Variants in ZNF678 observed in about 807,000 individuals in gnomAD.
ZNF678 encodes the protein zinc finger protein 678, also known as hypothetical protein MGC42493.
ZNF678 carries 5 observed loss-of-function variants against 3.0 expected under a neutral mutation model. The observed-to-expected ratio is 1.69, with a 90% confidence interval of 0.88 to 3.56. The LOEUF is 3.56. Among genes scored for constraint, ZNF678 ranks in the 30% most tolerant of loss-of-function variants. The pLI, the probability that ZNF678 is intolerant of heterozygous loss-of-function variation, is 0.00. For missense variants in ZNF678, 593 were observed against 605.0 expected (o/e 0.98, Z 0.21); for synonymous variants, 218 against 199.6 (o/e 1.09, Z -0.78).
chr1:227,651,145 T>C, intron 3 of ZNF678, 69 bp downstream of exon 3: 1 of 1,555,382 alleles, frequency 6.4e-7, no homozygotes, highest in Non-Finnish European at 8.8e-7. Flanking sequence ...AGAGAGGGGA[T>C]ATACCTGAGT....
downstream of ZNF678, among the ~76,000 whole-genome samples, chr1:227,663,015 G>A (rs1328673574): frequency 6.6e-6 from 1 of 152,122 alleles, no homozygotes; most frequent in East Asian, 1.9e-4. Context: ...ATTGGAGTGA[G>A]CCCTAATCCA....
intron 1 of ZNF678, among the ~76,000 whole-genome samples, chr1:227,644,659 C>T (rs978240785): frequency 4.6e-5 from 7 of 152,168 alleles, no homozygotes; most frequent in African/African-American, 1.7e-4. Context: ...CTCTTCCAAA[C>T]CTACAGAATC....
At chr1:227,646,302 G>T (rs1014283466) in intron 1 of ZNF678, among the ~76,000 whole-genome samples, 1 of 152,074 alleles carries the variant, frequency 6.6e-6, no homozygotes, top group Non-Finnish European at 1.5e-5. Context: ...ATGTATTGGC[G>T]CCCTTAGTTT....
intron 1 of ZNF678, among the ~76,000 whole-genome samples, chr1:227,594,710 CGA>C (rs1558136783): frequency 6.6e-6 from 1 of 152,172 alleles, no homozygotes; most frequent in African/African-American, 2.4e-5. Flanking sequence ...TCCTCTTTCA[CGA>C]CTTTTGCAGA....
rs796155591 is a variant in ZNF678, at chr1:227,651,135, AGAGAGGGGATATACCT to A, written c.85+63_85+78del. 2.3e-5 allele frequency: 37 copies of A among 1,587,468 alleles called. 1 individual carries two copies. In the African/African-American group the frequency reaches 4.8e-4, roughly 21 times the overall value. On this transcript the variant is annotated intron_variant, in intron 3 of 3. Coordinates refer to ENST00000343776, the MANE Select transcript of ZNF678 (RefSeq NM_001367909.1). ...ATGAGATCTTTTCTGGGTTCATAGTAGAGAGGGGATATACCTGAGTCCTAAGGTTGTTGGCAGGGTC... is the reference window on the plus strand; with the variant it reads ...ATGAGATCTTTTCTGGGTTCATAGTAGAGTCCTAAGGTTGTTGGCAGGGTC...
intron 1 of ZNF678, among the ~76,000 whole-genome samples, chr1:227,636,230 G>A (rs954462122): frequency 2.0e-5 from 3 of 152,006 alleles, no homozygotes; most frequent in African/African-American, 7.3e-5. Flanking sequence ...AGGTTTGTTC[G>A]GTCCCATCCC....
chr1:227,571,209 A>G (rs6426466), intron 1 of ZNF678, among the ~76,000 whole-genome samples: 149,591 of 152,340 alleles, frequency 0.98, 73,505 homozygotes, highest in Middle Eastern at 1. Flanking sequence ...TTATTGTAGC[A>G]CATTTTCTGT....
intron 1 of ZNF678, among the ~76,000 whole-genome samples, chr1:227,627,886 A>G (rs1414278734): frequency 1.3e-5 from 2 of 152,218 alleles, no homozygotes; most frequent in African/African-American, 2.4e-5. Flanking sequence ...GGGAACCTCT[A>G]GAAGGTCCCC....
chr1:227,639,020 A>C (rs551756191), intron 1 of ZNF678, among the ~76,000 whole-genome samples: 5 of 152,308 alleles, frequency 3.3e-5, no homozygotes, highest in African/African-American at 9.6e-5. Flanking sequence ...GGGCACCGTC[A>C]GTCTTCAGTG....
Position 227,584,155 on chromosome 1 carries a change from A to C in ZNF678, c.-164+20431A>C, listed in dbSNP as rs1027601008. Among the ~76,000 whole-genome samples the C allele has an allele frequency of 2.6e-5, 4 of 152,294 alleles. No homozygotes were observed. The East Asian group carries it at 5.8e-4, about 22-fold the overall frequency. ...AATTAACATTTTGTTGCAGAGCTTTATACTGTCATTGGGGCAGGATATTTT... is the reference window on the plus strand; with the variant it reads ...AATTAACATTTTGTTGCAGAGCTTTCTACTGTCATTGGGGCAGGATATTTT... On this transcript the variant is annotated intron_variant, in intron 1 of 3. Coordinates refer to ENST00000343776, the MANE Select transcript of ZNF678 (RefSeq NM_001367909.1).
At chr1:227,601,918 G>C (rs987128607) in intron 1 of ZNF678, among the ~76,000 whole-genome samples, 17 of 152,254 alleles carry the variant, frequency 1.1e-4, no homozygotes, top group African/African-American at 3.1e-4. Context: ...CATTGATTTT[G>C]TGTTTTGAGA....
chr1:227,632,905 A>G (rs1658583528), intron 1 of ZNF678, among the ~76,000 whole-genome samples: 1 of 152,122 alleles, frequency 6.6e-6, no homozygotes, highest in African/African-American at 2.4e-5. Context: ...GGCCTCATGG[A>G]TTCCTTGGAA....
intron 1 of ZNF678, among the ~76,000 whole-genome samples, chr1:227,588,209 T>TGCAGCCATAA (rs1657314033): frequency 1.3e-5 from 2 of 152,218 alleles, no homozygotes; most frequent in African/African-American, 4.8e-5. Context: ...GCATGTACTA[T>TGCAGCCATAA]ATTTTCTTTA....
At chr1:227,677,540 A>G (rs1027170962), downstream of ZNF678, 4 of 152,264 alleles carry the variant, frequency 2.6e-5, no homozygotes, top group African/African-American at 9.7e-5. Context: ...GGGCTACTAT[A>G]CAAAGAGCAG....
At chr1:227,652,655 AT>A (rs1291370126) in intron 3 of ZNF678, among the ~76,000 whole-genome samples, 3 of 151,946 alleles carry the variant, frequency 2.0e-5, no homozygotes, top group Admixed American at 6.6e-5. Flanking sequence ...GCATACAGAA[AT>A]TTTTTTCATT....
intron 1 of ZNF678, among the ~76,000 whole-genome samples, chr1:227,577,484 A>G (rs1342974880): frequency 6.6e-6 from 1 of 152,190 alleles, no homozygotes; most frequent in Non-Finnish European, 1.5e-5. Flanking sequence ...TTTTACTATT[A>G]TGTAATGCCC....
intron 1 of ZNF678, among the ~76,000 whole-genome samples, chr1:227,599,355 A>G (rs1657675860): frequency 6.6e-6 from 1 of 152,222 alleles, no homozygotes; most frequent in South Asian, 2.1e-4. Context: ...ACCAGGCCAG[A>G]GAGAAGGCCG....
chr1:227,607,271 A>C (rs1657896741), intron 1 of ZNF678, among the ~76,000 whole-genome samples: 1 of 152,180 alleles, frequency 6.6e-6, no homozygotes, highest in Admixed American at 6.5e-5. Flanking sequence ...GATATTTTAA[A>C]ATAATGTGAA....
At chr1:227,628,285 C>A (rs1658466373) in intron 1 of ZNF678, among the ~76,000 whole-genome samples, 1 of 152,146 alleles carries the variant, frequency 6.6e-6, no homozygotes, top group South Asian at 2.1e-4. Flanking sequence ...ACTTCTAGAG[C>A]TATTCCTGTT....
Sources: gnomAD v4.1 joint callset for allele counts (sites outside exome capture counted in the v4.1 genomes callset) on GRCh38, gnomAD v4.1.1 for gene constraint, MANE v1.5 for transcripts, NCBI Gene and HGNC (gene_info 2026-07-23, HGNC 2026-07-21) for gene names.